SNRPG: variants seen among roughly 807,000 people sequenced by gnomAD.
The protein encoded by SNRPG is small nuclear ribonucleoprotein G.
A neutral mutation model predicts 13.9 loss-of-function variants in SNRPG; 3 were observed. The ratio of observed to expected loss-of-function variants is 0.22; its 90% confidence interval spans 0.10 to 0.56. The LOEUF (loss-of-function observed/expected upper bound fraction) is 0.56, where lower values mean the gene tolerates loss of function less well. SNRPG is among the 20% of genes least tolerant of loss of function. The pLI is 0.93. For synonymous variants in SNRPG, 29 were observed against 29.3 expected (o/e 0.99, Z 0.03); for missense variants, 34 against 96.1 (o/e 0.35, Z 2.70).
Position 70,281,484 on chromosome 2 carries a change from T to A in SNRPG, c.*150A>T. The A allele has an allele frequency of 2.2e-6, 1 of 455,722 alleles. No individual in the cohort carries two copies. The highest frequency in any genetic ancestry group is 4.0e-6 in the Non-Finnish European group (1 of 250,176). The allele number at this position is 455,722 out of a possible 1,614,324, so 28.2% of individuals were successfully genotyped here. A position where few individuals can be genotyped will look rare whatever the true frequency, so the allele number is the denominator to read the frequency against. Reference sequence around the variant, plus strand: ...TGGAATGAGAGCTGATATTCTATATTCAGAACATCTGAGAAAGCATTTTTG... The same window carrying A: ...TGGAATGAGAGCTGATATTCTATATACAGAACATCTGAGAAAGCATTTTTG... On this transcript the variant is annotated 3_prime_UTR_variant, in exon 4 of 4. Transcript: ENST00000272348.
At chr2:70,289,731 A>AGCCT (rs1424806835) in intron 1 of SNRPG, among the ~76,000 whole-genome samples, 1 of 152,088 alleles carries the variant, frequency 6.6e-6, no homozygotes, top group Non-Finnish European at 1.5e-5. Flanking sequence ...GAATCACTGG[A>AGCCT]GCCTGCCACG....
chr2:70,285,707 C>A (rs990808370), intron 3 of SNRPG, among the ~76,000 whole-genome samples: 2 of 152,122 alleles, frequency 1.3e-5, no homozygotes, highest in African/African-American at 4.8e-5. Flanking sequence ...GTGTTTGAGG[C>A]CTAATTCTCC....
At chr2:70,289,116 A>G (rs979602054) in intron 2 of SNRPG, among the ~76,000 whole-genome samples, 3 of 152,072 alleles carry the variant, frequency 2.0e-5, no homozygotes, top group Non-Finnish European at 2.9e-5. Flanking sequence ...GCACCCGGCT[A>G]ATTTTTTTTT....
intron 3 of SNRPG, among the ~76,000 whole-genome samples, chr2:70,284,066 A>G (rs1250164914): frequency 2.0e-5 from 3 of 152,200 alleles, no homozygotes; most frequent in Non-Finnish European, 4.4e-5. Flanking sequence ...TCTCAAACCA[A>G]CAACAAAAAC....
chr2:70,291,433 G>A (rs1327005492), intron 1 of SNRPG: 2 of 152,230 alleles, frequency 1.3e-5, no homozygotes, highest in African/African-American at 4.8e-5. Context: ...AGTTAAGCCA[G>A]TGTATCTCAA....
intron 1 of SNRPG, chr2:70,291,253 A>C (rs370186054): frequency 5.3e-5 from 8 of 152,302 alleles, no homozygotes; most frequent in African/African-American, 1.9e-4. Flanking sequence ...AAACACAAAT[A>C]GTTCAGTGTG....
At chr2:70,283,206 G>A (rs1229788211) in intron 3 of SNRPG, among the ~76,000 whole-genome samples, 2 of 150,890 alleles carry the variant, frequency 1.3e-5, no homozygotes, top group Admixed American at 6.7e-5. Flanking sequence ...TTCAAGAGGG[G>A]TAGAAAAATA....
chr2:70,281,946 G>A (rs929818553), intron 3 of SNRPG, among the ~76,000 whole-genome samples: 3 of 151,864 alleles, frequency 2.0e-5, no homozygotes, highest in African/African-American at 7.3e-5. Flanking sequence ...TTTTGAGACA[G>A]TCTCACTCTG....
At chr2:70,285,230 TTTA>T (rs1213888651) in intron 3 of SNRPG, among the ~76,000 whole-genome samples, 38 of 152,126 alleles carry the variant, frequency 2.5e-4, no homozygotes, top group African/African-American at 9.2e-4. Flanking sequence ...ACTGCCAAGA[TTTA>T]TGGTAAGGAC....
intron 3 of SNRPG, among the ~76,000 whole-genome samples, chr2:70,283,095 T>TC (rs1491553103): frequency 6.8e-4 from 3 of 4,386 alleles, no homozygotes; most frequent in Admixed American, 3.8e-3. Context: ...CTGTCTTTTG[T>TC]CAAAAAAAAA....
chr2:70,287,611 A>AAATCAGGTTAACTATGTAAC (rs1179430994), intron 3 of SNRPG, among the ~76,000 whole-genome samples: 1 of 152,250 alleles, frequency 6.6e-6, no homozygotes, highest in Non-Finnish European at 1.5e-5. Flanking sequence ...TTAACTATGT[A>AAATCAGGTTAACTATGTAAC]TACAAGTAAA....
At chr2:70,289,312 A>G in intron 2 of SNRPG, 38 bp downstream of exon 2, 1 of 1,262,276 alleles carries the variant, frequency 7.9e-7, no homozygotes, top group Non-Finnish European at 1.1e-6. Flanking sequence ...AAAGCAATTA[A>G]ATAATTAAAA....
intron 3 of SNRPG, among the ~76,000 whole-genome samples, chr2:70,285,896 T>C (rs190625253): frequency 6.6e-6 from 1 of 152,326 alleles, no homozygotes; most frequent in East Asian, 1.9e-4. Context: ...TTGAGATTTA[T>C]CATTAGGTAA....
chr2:70,283,096 CA>C (rs57862220), intron 3 of SNRPG, among the ~76,000 whole-genome samples: 2,689 of 13,998 alleles, frequency 0.19, 140 homozygotes, highest in Middle Eastern at 0.5. Context: ...TGTCTTTTGT[CA>C]AAAAAAAAAA....
intron 3 of SNRPG, among the ~76,000 whole-genome samples, chr2:70,285,521 G>A (rs977594462): frequency 2.6e-5 from 4 of 151,916 alleles, no homozygotes; most frequent in Admixed American, 6.6e-5. Context: ...GCAGTGACCC[G>A]AGACCACACC....
intron 1 of SNRPG, chr2:70,293,109 A>C: frequency 1.4e-6 from 1 of 702,360 alleles, no homozygotes; most frequent in Middle Eastern, 2.3e-4. Context: ...AAAAGAAGGC[A>C]AGAAAAAGGA....
chr2:70,292,347 A>ATTATTT (rs1420422926), intron 1 of SNRPG, among the ~76,000 whole-genome samples: 4 of 151,846 alleles, frequency 2.6e-5, no homozygotes, highest in South Asian at 2.1e-4. Flanking sequence ...TTTAAATGCA[A>ATTATTT]AAATATTATT....
intron 1 of SNRPG, 131 bp downstream of exon 1, chr2:70,293,487 C>T: frequency 1.2e-6 from 1 of 868,740 alleles, no homozygotes. Context: ...TGGCCGGGAT[C>T]CCGGCGACCT....
chr2:70,290,999 G>A (rs113006594), intron 1 of SNRPG, among the ~76,000 whole-genome samples: 16 of 139,856 alleles, frequency 1.1e-4, no homozygotes, highest in African/African-American at 4.3e-4. Flanking sequence ...CAATAAGAGT[G>A]AAACTCCATC....
Sources: gnomAD v4.1 joint callset for allele counts (sites outside exome capture counted in the v4.1 genomes callset) on GRCh38, gnomAD v4.1.1 for gene constraint, MANE v1.5 for transcripts, NCBI Gene and HGNC (gene_info 2026-07-23, HGNC 2026-07-21) for gene names.